The following ST6GALNAC5 variants were observed in gnomAD, a reference collection of about 807,000 sequenced individuals.
The protein encoded by ST6GALNAC5 is ST6 N-acetylgalactosaminide alpha-2,6-sialyltransferase 5.
A neutral mutation model predicts 33.6 loss-of-function variants in ST6GALNAC5; 27 were observed. That is an observed-to-expected ratio of 0.80 (90% CI 0.59 to 1.11). The LOEUF is 1.11. Ranked by LOEUF, ST6GALNAC5 falls within the 50% of genes least tolerant of loss-of-function variation. The pLI is 0.00. For synonymous variants in ST6GALNAC5, 194 were observed against 171.2 expected, an observed-to-expected ratio of 1.13 and a Z score of -1.04; for missense variants, 428 against 454.0, an observed-to-expected ratio of 0.94 and a Z score of 0.52.
In ST6GALNAC5 at chr1:76,974,773, C is replaced by CTTTTTTTTTTTTTTTTTTTTTTTTT. The variant is rs60357939; in HGVS notation, c.262-69429_262-69405dup. Among the ~76,000 whole-genome samples, 8 of 35,246 alleles carry CTTTTTTTTTTTTTTTTTTTTTTTTT rather than the reference C, an allele frequency of 2.3e-4. 1 individual carries two copies. Among genetic ancestry groups the CTTTTTTTTTTTTTTTTTTTTTTTTT allele is most frequent in the Non-Finnish European group, 2.8e-4 (6 of 21,576 alleles). 23.1% of individuals were successfully genotyped at this position (35,246 alleles called of 152,430 possible). ...ATATCTGTAAGTTTTTTCTTTCTTT[C>CTTTTTTTTTTTTTTTTTTTTTTTTT]TTTTTTTTTTTTTTTTTTTTTTTTT... On this transcript the variant is annotated intron_variant, in intron 2 of 4. Coordinates refer to ENST00000477717, the MANE Select transcript of ST6GALNAC5 (RefSeq NM_030965.3).
At chr1:76,939,847 G>T (rs1194524393) in intron 2 of ST6GALNAC5, among the ~76,000 whole-genome samples, 3 of 152,096 alleles carry the variant, frequency 2.0e-5, no homozygotes, top group Non-Finnish European at 4.4e-5. Context: ...GCAAATATGA[G>T]ACTCCCTGGA....
At chr1:76,994,662 C>T (rs1228509327) in intron 2 of ST6GALNAC5, among the ~76,000 whole-genome samples, 1 of 152,134 alleles carries the variant, frequency 6.6e-6, no homozygotes, top group Non-Finnish European at 1.5e-5. Flanking sequence ...TATTATGGGT[C>T]GCCAACAGAA....
intron 2 of ST6GALNAC5, among the ~76,000 whole-genome samples, chr1:76,939,256 C>A (rs1056052983): frequency 2.6e-5 from 4 of 152,214 alleles, no homozygotes; most frequent in South Asian, 4.2e-4. Context: ...TAACAAGGAG[C>A]CAGTTCTGGC....
chr1:76,923,955 G>A (rs965168049), intron 2 of ST6GALNAC5, among the ~76,000 whole-genome samples: 1 of 152,058 alleles, frequency 6.6e-6, no homozygotes, highest in Non-Finnish European at 1.5e-5. Flanking sequence ...CTGAGCTTTT[G>A]CAAATGCATC....
chr1:77,016,212 C>G (rs1257748566), intron 2 of ST6GALNAC5, among the ~76,000 whole-genome samples: 2 of 93,130 alleles, frequency 2.1e-5, no homozygotes, highest in Non-Finnish European at 4.3e-5. Context: ...TCCCCCTCCT[C>G]CTCCTGTATC....
intron 3 of ST6GALNAC5, among the ~76,000 whole-genome samples, chr1:77,046,080 C>T (rs543564193): frequency 6.6e-6 from 1 of 152,150 alleles, no homozygotes; most frequent in East Asian, 1.9e-4. Context: ...TGTAATTTAC[C>T]CCTCTTACAA....
chr1:76,969,929 G>A (rs1648673251), intron 2 of ST6GALNAC5, among the ~76,000 whole-genome samples: 1 of 152,070 alleles, frequency 6.6e-6, no homozygotes, highest in African/African-American at 2.4e-5. Flanking sequence ...TGGACCACCA[G>A]CAAACTCCAA....
At chr1:77,051,756 C>G (rs528932027) in intron 4 of ST6GALNAC5, among the ~76,000 whole-genome samples, 63 of 152,304 alleles carry the variant, frequency 4.1e-4, no homozygotes, top group African/African-American at 1.5e-3. Context: ...AAAAGGCAAA[C>G]TGCCTCCTCA....
chr1:77,050,930 G>C (rs1481102715), intron 4 of ST6GALNAC5, among the ~76,000 whole-genome samples: 1 of 152,210 alleles, frequency 6.6e-6, no homozygotes, highest in African/African-American at 2.4e-5. Flanking sequence ...CCCAGGCAGA[G>C]TTCAGGGCAT....
intron 2 of ST6GALNAC5, among the ~76,000 whole-genome samples, chr1:76,879,542 A>G (rs1470364569): frequency 2.0e-5 from 3 of 152,184 alleles, no homozygotes; most frequent in African/African-American, 7.2e-5. Flanking sequence ...CCTCATCTCT[A>G]GGGGTCCACT....
At chr1:76,894,088 G>A (rs141157661) in intron 2 of ST6GALNAC5, among the ~76,000 whole-genome samples, 21 of 152,064 alleles carry the variant, frequency 1.4e-4, no homozygotes, top group African/African-American at 4.6e-4. Flanking sequence ...CTTTGAAATC[G>A]GTTCAAGACA....
chr1:77,049,590 T>C (rs548470898), intron 3 of ST6GALNAC5, among the ~76,000 whole-genome samples: 1 of 152,196 alleles, frequency 6.6e-6, no homozygotes, highest in Non-Finnish European at 1.5e-5. Context: ...TTAAATTTTG[T>C]CAATTTTTGG....
intron 2 of ST6GALNAC5, among the ~76,000 whole-genome samples, chr1:76,950,666 G>A (rs550921634): frequency 6.6e-6 from 1 of 152,210 alleles, no homozygotes; most frequent in East Asian, 1.9e-4. Flanking sequence ...GAAACTCAAA[G>A]AAAGGGATGT....
At chr1:76,905,864 A>T (rs1646859352) in intron 2 of ST6GALNAC5, among the ~76,000 whole-genome samples, 1 of 152,180 alleles carries the variant, frequency 6.6e-6, no homozygotes, top group Non-Finnish European at 1.5e-5. Flanking sequence ...GGAAGGGAGC[A>T]ATAAATTCAT....
intron 2 of ST6GALNAC5, among the ~76,000 whole-genome samples, chr1:76,950,034 A>G (rs1408617757): frequency 1.3e-5 from 2 of 152,144 alleles, no homozygotes; most frequent in African/African-American, 4.8e-5. Context: ...GTCACACAGT[A>G]CTGTGGAATT....
chr1:76,972,310 G>A (rs1024561870), intron 2 of ST6GALNAC5, among the ~76,000 whole-genome samples: 1 of 151,972 alleles, frequency 6.6e-6, no homozygotes, highest in Non-Finnish European at 1.5e-5. Context: ...TGATTCAATT[G>A]CCTCCCACCA....
Position 77,011,461 on chromosome 1 carries a change from G to A in ST6GALNAC5, c.262-32743G>A, listed in dbSNP as rs61255995. 0.019 allele frequency among the ~76,000 whole-genome samples: 2,844 copies of A among 152,212 alleles called. 197 individuals are homozygous for A. The East Asian group carries it at 0.24, about 13-fold the overall frequency. On this transcript the variant is annotated intron_variant, in intron 2 of 4. Coordinates refer to ENST00000477717, the MANE Select transcript of ST6GALNAC5 (RefSeq NM_030965.3). ...CTGGGTATGTAGCCCAGTTATTTTT[G>A]TTTTTTAACATATATCCCAAGTGAT... is the stretch of plus-strand genomic sequence containing the variant.
chr1:77,049,268 C>T (rs1182464041), intron 3 of ST6GALNAC5, among the ~76,000 whole-genome samples: 1 of 152,108 alleles, frequency 6.6e-6, no homozygotes, highest in Non-Finnish European at 1.5e-5. Context: ...TCCTGCACCT[C>T]TGTTATTCAC....
chr1:76,945,480 G>A (rs555499391), intron 2 of ST6GALNAC5, among the ~76,000 whole-genome samples: 31 of 152,056 alleles, frequency 2.0e-4, no homozygotes, highest in African/African-American at 7.5e-4. Flanking sequence ...TATTTTTCAG[G>A]TGTTATGTTT....
Sources: gnomAD v4.1 joint callset for allele counts (sites outside exome capture counted in the v4.1 genomes callset) on GRCh38, gnomAD v4.1.1 for gene constraint, MANE v1.5 for transcripts, NCBI Gene and HGNC (gene_info 2026-07-23, HGNC 2026-07-21) for gene names.